The following PTPRU variants were observed in gnomAD, a reference collection of about 807,000 sequenced individuals.
PTPRU encodes protein tyrosine phosphatase receptor type U.
In PTPRU, 69 loss-of-function variants were observed where a neutral mutation model predicts 166.3. The ratio of observed to expected loss-of-function variants is 0.41; its 90% CI spans 0.34 to 0.51. PTPRU has a LOEUF of 0.51. Ranked by LOEUF, PTPRU falls within the 20% of genes least tolerant of loss-of-function variation. The pLI is 0.09. For missense variants in PTPRU, 1,657 were observed against 2,013.7 expected, an observed-to-expected ratio of 0.82 and a Z score of 3.39; for synonymous variants, 793 against 814.0, an observed-to-expected ratio of 0.97 and a Z score of 0.44.
Position 29,282,956 on chromosome 1 carries a change from G to T in PTPRU, c.2142+7G>T. 1.2e-6 allele frequency: 2 copies of T among 1,611,684 alleles called. No individual in the cohort carries two copies. The highest frequency in any genetic ancestry group is 2.2e-5 in the South Asian group (2 of 90,928). On this transcript the variant is annotated splice_region_variant and intron_variant, in intron 12 of 29. Transcript: ENST00000373779. The stretch of plus-strand genomic sequence containing the variant: ...AGCAAGCCACCTGAAGGGGGTGAGG[G>T]ACCGGCCAGGGTCATGGTGGGCGTG...
At chr1:29,249,290 C>T (rs1344101444) in intron 1 of PTPRU, among the ~76,000 whole-genome samples, 2 of 152,386 alleles carry the variant, frequency 1.3e-5, no homozygotes, top group South Asian at 2.1e-4. Context: ...CTGCCCCTTA[C>T]ATCACCCCAT....
rs1687647644 is a variant in PTPRU, at chr1:29,311,368, T to G, written c.2858-88T>G. ...TTGGGGCTCAGGAGGCCTCCTGGCC[T>G]GGGGTGTGGTGCTGGATGGTGCTGG... On this transcript the variant is annotated intron_variant, in intron 19 of 29. Transcript: ENST00000373779. This position sits in a 1 kb window ranked among gnomAD's most constrained non-coding sequence, Gnocchi z 4.1. 4 of 1,331,290 alleles carry G rather than the reference T, an allele frequency of 3.0e-6. No individual in the cohort carries two copies. Among genetic ancestry groups the G allele is most frequent in the Non-Finnish European group, 4.2e-6 (4 of 943,906 alleles). 82.5% of individuals were successfully genotyped at this position (1,331,290 alleles called of 1,614,324 possible). A position where few individuals can be genotyped will look rare whatever the true frequency, so the allele number is the denominator to read the frequency against.
At position 29,237,822 on chromosome 1, in the gene PTPRU, G is replaced by A. The variant is rs1054546821; in HGVS notation, c.73+1105G>A. On this transcript the variant is annotated intron_variant, in intron 1 of 29. Coordinates refer to ENST00000373779, the MANE Select transcript of PTPRU (RefSeq NM_133178.4). This position sits in a 1 kb window ranked among gnomAD's most constrained non-coding sequence, Gnocchi z 6.4. ...GGGGCCGGCGGGCGGGCAGGGGAGG[G>A]CCGGACCGGCGGGCGCTCCTGCGGT... 4.8e-5 allele frequency among the ~76,000 whole-genome samples: 7 copies of A among 146,036 alleles called. No individual in the cohort carries two copies. Among genetic ancestry groups the A allele is most frequent in the Middle Eastern group, 3.5e-3 (1 of 282 alleles).
At chr1:29,288,719 G>A (rs1355644418) in intron 14 of PTPRU, among the ~76,000 whole-genome samples, 1 of 152,036 alleles carries the variant, frequency 6.6e-6, no homozygotes, top group African/African-American at 2.4e-5. Context: ...GCAAGTGAAT[G>A]GAGGCCTCTG....
At chr1:29,253,774 C>T (rs1236152953) in intron 1 of PTPRU, among the ~76,000 whole-genome samples, 1 of 151,960 alleles carries the variant, frequency 6.6e-6, no homozygotes, top group African/African-American at 2.4e-5. Flanking sequence ...GCTTGGACTT[C>T]ATCATCTGAC....
chr1:29,262,170 T>G (rs901660305), intron 7 of PTPRU, among the ~76,000 whole-genome samples: 2 of 152,238 alleles, frequency 1.3e-5, no homozygotes, highest in African/African-American at 4.8e-5. Flanking sequence ...CACATTCACC[T>G]CCCTTTCTTC....
At chr1:29,289,749 T>C (rs1686535140) in intron 14 of PTPRU, 4 of 1,608,200 alleles carry the variant, frequency 2.5e-6, no homozygotes, top group Admixed American at 1.7e-5. Context: ...TCCCCGGCCC[T>C]GCCTAGGGGG....
At position 29,284,761 on chromosome 1, in the gene PTPRU, A is replaced by G. The variant is rs1320192334; in HGVS notation, c.2210A>G (p.Glu737Gly). The G allele has an allele frequency of 5.0e-6, 8 of 1,614,002 alleles. No individual in the cohort carries two copies. The highest frequency in any genetic ancestry group is 6.8e-6 in the Non-Finnish European group (8 of 1,179,970). Residue 737 changes from glutamate (E) to glycine (G), a missense_variant, in exon 14 of 30, where the codon GAG becomes GGG. Around this residue, in one of 3 missense-constraint regions of PTPRU, gnomAD observed 1,190 missense variants for 1,477.4 expected, o/e 0.81. Coordinates refer to ENST00000373779, the MANE Select transcript of PTPRU (RefSeq NM_133178.4). ...AACKESKRPL[E>G]VSQRSEEMGL... is the part of the protein sequence containing the mutation. ...TGCAAGGAAAGCAAGCGGCCCCTGG[A>G]GGTGTCCCAGAGATCGGAGGAGATG... is the stretch of plus-strand genomic sequence containing the variant.
intron 7 of PTPRU, among the ~76,000 whole-genome samples, chr1:29,270,333 G>A (rs1458342937): frequency 6.6e-6 from 1 of 151,956 alleles, no homozygotes; most frequent in Non-Finnish European, 1.5e-5. Flanking sequence ...TTTTGACAGA[G>A]CCTCACTCTG....
At chr1:29,253,906 C>T (rs1684659738) in intron 1 of PTPRU, among the ~76,000 whole-genome samples, 1 of 152,098 alleles carries the variant, frequency 6.6e-6, no homozygotes, top group South Asian at 2.1e-4. Flanking sequence ...TACATCAAAT[C>T]CTCAACAAGC....
rs1477851739 is a variant in PTPRU at position 29,317,548 on chromosome 1, G to A, written c.3514-200G>A. Among the ~76,000 whole-genome samples, 2 of 152,190 alleles carry A rather than the reference G, an allele frequency of 1.3e-5. 1 individual carries two copies. Among genetic ancestry groups the A allele is most frequent in the Non-Finnish European group, 2.9e-5 (2 of 68,030 alleles). On this transcript the variant is annotated intron_variant, in intron 24 of 29. Coordinates refer to ENST00000373779, the MANE Select transcript of PTPRU (RefSeq NM_133178.4). This position sits in a 1 kb window ranked among gnomAD's most constrained non-coding sequence, Gnocchi z 5.6. The stretch of plus-strand genomic sequence containing the variant: ...GTGGGTGGCAAGGAGGTAGACTCTG[G>A]TCTCTAGAGCTCTATCCAGGCCCTA...
At chr1:29,239,640 A>G (rs1003930058) in intron 1 of PTPRU, among the ~76,000 whole-genome samples, 1 of 152,080 alleles carries the variant, frequency 6.6e-6, no homozygotes, top group Non-Finnish European at 1.5e-5. Flanking sequence ...TGGCCTTTCC[A>G]TGCAGGACTG....
At chr1:29,286,850 A>G (rs564050453) in intron 14 of PTPRU, among the ~76,000 whole-genome samples, 3 of 152,280 alleles carry the variant, frequency 2.0e-5, no homozygotes, top group African/African-American at 7.2e-5. Context: ...AGATGCCTCC[A>G]GGAACCCCTC....
At chr1:29,277,008 A>G (rs967102957) in intron 8 of PTPRU, among the ~76,000 whole-genome samples, 7 of 152,214 alleles carry the variant, frequency 4.6e-5, no homozygotes, top group Admixed American at 2.6e-4. Context: ...TTTGTTGTCT[A>G]TACAATTGAA....
intron 7 of PTPRU, among the ~76,000 whole-genome samples, chr1:29,273,485 T>C (rs189699718): frequency 1.4e-4 from 22 of 152,226 alleles, no homozygotes; most frequent in African/African-American, 5.3e-4. Flanking sequence ...GCCAGGCTGG[T>C]CTCAAACTCC....
rs748948431 is a variant in PTPRU, at chr1:29,325,160, C to A, written c.4113-31C>A. 4.3e-6 allele frequency: 7 copies of A among 1,613,608 alleles called. No homozygotes were observed. The East Asian group carries it at 1.6e-4, about 36-fold the overall frequency. On this transcript the variant is annotated intron_variant, in intron 28 of 29. Transcript: ENST00000373779. ...TTTCTTACCTTCAGGTTCCAAGGCC[C>A]CGCCCCTCAGCTTTTGCATCTCTCA...
intron 1 of PTPRU, among the ~76,000 whole-genome samples, 190 bp from the exon 2 acceptor site, chr1:29,255,085 G>A (rs1684714725): frequency 6.6e-6 from 1 of 151,998 alleles, no homozygotes; most frequent in Non-Finnish European, 1.5e-5. Flanking sequence ...ATTGGGAGGG[G>A]ACCTTGGTAG....
At chr1:29,259,674 T>TGCGCACA in intron 5 of PTPRU, 110 bp downstream of exon 5, 1 of 1,267,438 alleles carries the variant, frequency 7.9e-7, no homozygotes, top group South Asian at 1.5e-5. Flanking sequence ...ACTCCAGCAC[T>TGCGCACA]GCGCACAGCG....
intron 15 of PTPRU, among the ~76,000 whole-genome samples, chr1:29,294,894 CCT>C (rs1368474913): frequency 1.3e-5 from 2 of 152,154 alleles, no homozygotes; most frequent in Non-Finnish European, 2.9e-5. Flanking sequence ...TTTTCAGTTC[CCT>C]GTTTCTTTCA....
Sources: gnomAD v4.1 joint callset for allele counts (sites outside exome capture counted in the v4.1 genomes callset) on GRCh38, gnomAD v4.1.1 for gene constraint, gnomAD v4.1.1 regional missense constraint, Gnocchi (gnomAD v3.1) non-coding constraint, MANE v1.5 for transcripts, NCBI Gene and HGNC (gene_info 2026-07-23, HGNC 2026-07-21) for gene names.